RUNDC3B: variants seen among roughly 807,000 people sequenced by gnomAD.
RUNDC3B encodes RUN domain-containing protein 3B.
RUNDC3B carries 33 observed loss-of-function variants against 58.4 expected under a neutral mutation model. The observed-to-expected ratio is 0.56, with a 90% CI of 0.43 to 0.75. The LOEUF is 0.75. Among genes scored for constraint, RUNDC3B ranks in the 30% least tolerant of loss-of-function variants. The pLI, the probability that RUNDC3B is intolerant of heterozygous loss-of-function variation, is 0.00. For synonymous variants in RUNDC3B, 193 were observed against 195.2 expected (o/e 0.99, Z 0.10); for missense variants, 501 against 535.7 (o/e 0.94, Z 0.64).
At chr7:87,812,480 A>C (rs1836779088) in intron 9 of RUNDC3B, among the ~76,000 whole-genome samples, 1 of 152,150 alleles carries the variant, frequency 6.6e-6, no homozygotes, top group Admixed American at 6.5e-5. Flanking sequence ...ATGGTGGCTG[A>C]CACCTATAAT....
chr7:87,790,800 CA>C (rs954691097), intron 8 of RUNDC3B, among the ~76,000 whole-genome samples: 2 of 150,020 alleles, frequency 1.3e-5, no homozygotes, highest in African/African-American at 2.5e-5. Flanking sequence ...TCAGAGGAGA[CA>C]AAAAAAATAG....
At chr7:87,735,945 T>C (rs1333131323) in intron 4 of RUNDC3B, among the ~76,000 whole-genome samples, 1 of 152,196 alleles carries the variant, frequency 6.6e-6, no homozygotes, top group Non-Finnish European at 1.5e-5. Flanking sequence ...ACAGTTCTTG[T>C]CACATAAAAG....
intron 8 of RUNDC3B, among the ~76,000 whole-genome samples, chr7:87,807,047 C>A (rs1368974475): frequency 6.6e-6 from 1 of 151,984 alleles, no homozygotes; most frequent in Admixed American, 6.6e-5. Context: ...GCTTGATAAC[C>A]TGTATCTTTA....
intron 6 of RUNDC3B, among the ~76,000 whole-genome samples, chr7:87,769,913 C>G (rs1209828440): frequency 6.6e-6 from 1 of 152,056 alleles, no homozygotes; most frequent in Non-Finnish European, 1.5e-5. Flanking sequence ...ACATTTTTAT[C>G]TCTATTGAGT....
intron 1 of RUNDC3B, among the ~76,000 whole-genome samples, chr7:87,649,801 G>A (rs752210194): frequency 1.1e-4 from 16 of 152,062 alleles, no homozygotes; most frequent in African/African-American, 1.2e-4. Context: ...TCATGGCAGC[G>A]GGCCTTTCCC....
At chr7:87,675,875 A>G (rs1826304337) in intron 2 of RUNDC3B, among the ~76,000 whole-genome samples, 1 of 152,182 alleles carries the variant, frequency 6.6e-6, no homozygotes, top group African/African-American at 2.4e-5. Flanking sequence ...CTTAACACCC[A>G]AAGTACAGGC....
intron 4 of RUNDC3B, among the ~76,000 whole-genome samples, chr7:87,733,216 G>A (rs1339525421): frequency 6.6e-6 from 1 of 152,166 alleles, no homozygotes; most frequent in Admixed American, 6.5e-5. Flanking sequence ...TCTGGGATGG[G>A]AATCTTGGTG....
At chr7:87,804,673 C>T (rs921538734) in intron 8 of RUNDC3B, among the ~76,000 whole-genome samples, 1 of 152,048 alleles carries the variant, frequency 6.6e-6, no homozygotes, top group Non-Finnish European at 1.5e-5. Flanking sequence ...GAGAAATTGA[C>T]TTATAGATAA....
At chr7:87,654,561 C>A (rs190796862) in intron 2 of RUNDC3B, among the ~76,000 whole-genome samples, 18 of 152,022 alleles carry the variant, frequency 1.2e-4, no homozygotes, top group Admixed American at 1.1e-3. Context: ...CTTCACACTA[C>A]AGAAGAAAAT....
At chr7:87,756,372 A>G (rs563281940) in intron 6 of RUNDC3B, among the ~76,000 whole-genome samples, 1 of 152,092 alleles carries the variant, frequency 6.6e-6, no homozygotes, top group East Asian at 1.9e-4. Flanking sequence ...AAAAAGTTAG[A>G]ATATATTTGA....
intron 6 of RUNDC3B, among the ~76,000 whole-genome samples, chr7:87,763,800 T>A (rs1353906909): frequency 1.3e-5 from 2 of 151,762 alleles, no homozygotes; most frequent in African/African-American, 2.4e-5. Context: ...TTTGTTTGTT[T>A]ATTGGTTTGT....
chr7:87,746,100 T>C (rs959600799), intron 6 of RUNDC3B, among the ~76,000 whole-genome samples: 2 of 152,234 alleles, frequency 1.3e-5, no homozygotes, highest in African/African-American at 2.4e-5. Context: ...TCCATGTACT[T>C]GCATGGTTTT....
chr7:87,820,097 G>A (rs937234464), intron 10 of RUNDC3B, among the ~76,000 whole-genome samples: 8 of 152,098 alleles, frequency 5.3e-5, no homozygotes, highest in African/African-American at 1.9e-4. Context: ...ATGAATCCAG[G>A]AACTGGTTTT....
At chr7:87,801,012 G>A (rs1298901116) in intron 8 of RUNDC3B, among the ~76,000 whole-genome samples, 1 of 152,168 alleles carries the variant, frequency 6.6e-6, no homozygotes, top group Middle Eastern at 3.4e-3. Flanking sequence ...TTATAATTTT[G>A]TGCATGATAC....
At chr7:87,743,498 A>G (rs1832466608) in intron 6 of RUNDC3B, among the ~76,000 whole-genome samples, 1 of 152,028 alleles carries the variant, frequency 6.6e-6, no homozygotes, top group South Asian at 2.1e-4. Flanking sequence ...GATTTTTTTT[A>G]TTATGGCCAT....
intron 1 of RUNDC3B, among the ~76,000 whole-genome samples, chr7:87,637,523 A>T (rs1238574150): frequency 6.6e-6 from 1 of 151,852 alleles, no homozygotes; most frequent in Non-Finnish European, 1.5e-5. Flanking sequence ...CATCTTTATG[A>T]TATTAAGACT....
chr7:87,634,994 T>C (rs1399091525), intron 1 of RUNDC3B, among the ~76,000 whole-genome samples: 1 of 152,182 alleles, frequency 6.6e-6, no homozygotes, highest in African/African-American at 2.4e-5. Context: ...CCAACCAAAC[T>C]GCATTCATAT....
chr7:87,771,376 C>T (rs1443266938), intron 7 of RUNDC3B, among the ~76,000 whole-genome samples: 2 of 151,954 alleles, frequency 1.3e-5, no homozygotes, highest in Non-Finnish European at 2.9e-5. Flanking sequence ...TTTATCTATA[C>T]AGATAGCTAT....
intron 4 of RUNDC3B, among the ~76,000 whole-genome samples, chr7:87,713,644 GCT>G (rs1830292702): frequency 7.6e-6 from 1 of 130,894 alleles, no homozygotes. Flanking sequence ...TAGAATCTAA[GCT>G]AAAAAAAAAA....
Sources: allele counts gnomAD v4.1 joint callset (sites outside exome capture counted in the v4.1 genomes callset), GRCh38; gene constraint gnomAD v4.1.1; transcripts MANE v1.5; gene names NCBI Gene and HGNC (gene_info 2026-07-23, HGNC 2026-07-21).